The following SNTG1 variants were observed in gnomAD, a reference collection of about 807,000 sequenced individuals.
SNTG1 encodes gamma-1-syntrophin.
In SNTG1, 39 loss-of-function variants were observed where a neutral mutation model predicts 74.7. The ratio of observed to expected loss-of-function variants is 0.52; its 90% CI spans 0.40 to 0.68. The LOEUF is 0.68. Among genes scored for constraint, SNTG1 ranks in the 30% least tolerant of loss-of-function variants. The pLI is 0.00. For missense variants in SNTG1, 685 were observed against 609.5 expected (o/e 1.12, Z -1.30); for synonymous variants, 254 against 217.1 (o/e 1.17, Z -1.49).
intron 11 of SNTG1, among the ~76,000 whole-genome samples, chr8:50,537,362 G>T (rs1296875112): frequency 1.3e-5 from 2 of 151,978 alleles, no homozygotes; most frequent in African/African-American, 4.8e-5. Flanking sequence ...CAAAGTGCTG[G>T]GATTATAGGC....
In SNTG1 at chr8:50,794,663, C is replaced by T. The variant is rs538314290; in HGVS notation, c.*1834C>T. 1 of 152,054 alleles carries T rather than the reference C, an allele frequency of 6.6e-6. No individual in the cohort carries two copies. Among genetic ancestry groups the T allele is most frequent in the East Asian group, 1.9e-4 (1 of 5,146 alleles). The allele number at this position is 152,054 out of a possible 1,614,324, so 9.4% of individuals were successfully genotyped here. A position where few individuals can be genotyped will look rare whatever the true frequency, so the allele number is the denominator to read the frequency against. ...ATGGAGAAAAAGCAGTGGGATACATCGAACTTAGAATTTTCAGCTGTGGCA... is the reference window on the plus strand; with the variant it reads ...ATGGAGAAAAAGCAGTGGGATACATTGAACTTAGAATTTTCAGCTGTGGCA... On this transcript the variant is annotated 3_prime_UTR_variant, in exon 19 of 19. Coordinates refer to ENST00000642720, the MANE Select transcript of SNTG1 (RefSeq NM_018967.5).
chr8:50,379,655 G>T (rs1314296193), intron 2 of SNTG1, among the ~76,000 whole-genome samples: 1 of 152,232 alleles, frequency 6.6e-6, no homozygotes, highest in Non-Finnish European at 1.5e-5. Context: ...GCCTGCTGCT[G>T]CCAACAGTAA....
At chr8:50,350,121 C>T (rs1443726650) in intron 2 of SNTG1, among the ~76,000 whole-genome samples, 5 of 152,258 alleles carry the variant, frequency 3.3e-5, no homozygotes, top group East Asian at 1.9e-4. Flanking sequence ...GCGCTGTGCT[C>T]GATTTCTCGC....
chr8:50,546,383 T>A (rs991136936), intron 11 of SNTG1, among the ~76,000 whole-genome samples: 6 of 151,576 alleles, frequency 4.0e-5, no homozygotes, highest in South Asian at 4.2e-4. Context: ...GGAAGACTTT[T>A]TTATTATTAT....
intron 17 of SNTG1, among the ~76,000 whole-genome samples, chr8:50,716,221 T>C (rs2095474616): frequency 6.6e-6 from 1 of 152,138 alleles, no homozygotes; most frequent in Non-Finnish European, 1.5e-5. Flanking sequence ...AAATTTTATG[T>C]TATTATTCCA....
At chr8:50,272,081 T>C (rs2087814276) in intron 2 of SNTG1, among the ~76,000 whole-genome samples, 1 of 152,212 alleles carries the variant, frequency 6.6e-6, no homozygotes. Flanking sequence ...CAGCCTTCAG[T>C]ACTGTGAGAA....
intron 1 of SNTG1, among the ~76,000 whole-genome samples, chr8:50,007,699 TG>T (rs1251336192): frequency 1.3e-5 from 2 of 151,860 alleles, no homozygotes; most frequent in Non-Finnish European, 1.5e-5. Context: ...GCTAAGAGGG[TG>T]GGGAGATTTC....
At position 50,653,100 on chromosome 8, in the gene SNTG1, CTTTTGT is replaced by C. The variant is rs545312389; in HGVS notation, c.850-3804_850-3799del. On this transcript the variant is annotated intron_variant, in intron 13 of 18. Transcript: ENST00000642720. The stretch of plus-strand genomic sequence containing the variant: ...GACAGAATATAGGGTTTTTCTTTTG[CTTTTGT>C]TTTTATTTTATTTATTTATTTATTT... 3.1e-3 allele frequency among the ~76,000 whole-genome samples: 465 copies of C among 151,702 alleles called. 3 individuals are homozygous for C. The highest frequency in any genetic ancestry group is 0.011 in the African/African-American group (445 of 41,400).
chr8:50,507,860 G>A (rs548998157), intron 9 of SNTG1, among the ~76,000 whole-genome samples: 1 of 148,166 alleles, frequency 6.7e-6, no homozygotes, highest in Non-Finnish European at 1.5e-5. Context: ...ACAAGCCCTG[G>A]TGTGTGATGT....
At chr8:50,147,495 T>C (rs1054036102) in intron 1 of SNTG1, among the ~76,000 whole-genome samples, 1 of 152,158 alleles carries the variant, frequency 6.6e-6, no homozygotes, top group Non-Finnish European at 1.5e-5. Flanking sequence ...TGAAACCACT[T>C]TACAAATACA....
intron 12 of SNTG1, among the ~76,000 whole-genome samples, chr8:50,574,200 G>A (rs1176405557): frequency 6.6e-6 from 1 of 151,892 alleles, no homozygotes; most frequent in African/African-American, 2.4e-5. Flanking sequence ...GCATAAATAG[G>A]TTAAAATACT....
intron 17 of SNTG1, among the ~76,000 whole-genome samples, chr8:50,724,352 G>T (rs13270091): frequency 0.21 from 31,515 of 151,934 alleles, 3,373 homozygotes; most frequent in South Asian, 0.31. Flanking sequence ...TCTGAGTTCC[G>T]TATAGTTTTA....
chr8:50,709,078 C>T (rs564139984), intron 17 of SNTG1, 100 bp downstream of exon 17: 45 of 856,898 alleles, frequency 5.3e-5, no homozygotes, highest in East Asian at 1.0e-4. Context: ...TAATTGTAAT[C>T]GTGTCAAATT....
chr8:50,554,982 T>C (rs1404250851), intron 12 of SNTG1, among the ~76,000 whole-genome samples: 1 of 152,180 alleles, frequency 6.6e-6, no homozygotes, highest in East Asian at 1.9e-4. Context: ...TGTCATGCCA[T>C]ATTTCTTCAA....
chr8:50,174,653 C>G (rs973358201), intron 2 of SNTG1, among the ~76,000 whole-genome samples: 44 of 152,130 alleles, frequency 2.9e-4, no homozygotes, highest in Non-Finnish European at 2.6e-4. Flanking sequence ...ATATGTACTT[C>G]AAATAAAATC....
intron 13 of SNTG1, among the ~76,000 whole-genome samples, chr8:50,603,696 G>C (rs941917396): frequency 3.3e-5 from 5 of 152,104 alleles, no homozygotes; most frequent in African/African-American, 9.7e-5. Context: ...TGGACCCCAA[G>C]ACCAATAACA....
chr8:50,446,379 C>CAAAA (rs10679057), intron 5 of SNTG1, among the ~76,000 whole-genome samples: 277 of 145,776 alleles, frequency 1.9e-3, no homozygotes, highest in African/African-American at 5.2e-3. Context: ...AATTTAAAAG[C>CAAAA]AAAAAAAAAA....
In SNTG1 at chr8:50,137,618, A is replaced by G. The variant is rs1214586205; in HGVS notation, c.-102-34943A>G. ...AGCAGCAAGAAGGCGACAGAATGAC[A>G]GTGTGCTATTTCACCTAGAGTGGAT... On this transcript the variant is annotated intron_variant, in intron 1 of 18. Coordinates refer to ENST00000642720, the MANE Select transcript of SNTG1 (RefSeq NM_018967.5). Among the ~76,000 whole-genome samples the G allele has an allele frequency of 2.6e-5, 4 of 152,334 alleles. No homozygotes were observed. In the East Asian group the frequency reaches 5.8e-4, roughly 22 times the overall value.
Position 50,011,585 on chromosome 8 carries a change from T to C in SNTG1, c.-103+99354T>C, listed in dbSNP as rs567179184. Among the ~76,000 whole-genome samples, 40 of 151,822 alleles carry C rather than the reference T, an allele frequency of 2.6e-4. 1 individual carries two copies. In the South Asian group the frequency reaches 8.3e-3, roughly 32 times the overall value. ...ATCCAGTGCTGCCAAATTCTAATAATTTTTATACGTGATTCCAGGTCACTA... is the reference window on the plus strand; with the variant it reads ...ATCCAGTGCTGCCAAATTCTAATAACTTTTATACGTGATTCCAGGTCACTA... On this transcript the variant is annotated intron_variant, in intron 1 of 18. Transcript: ENST00000642720.
Sources: gnomAD v4.1 joint callset for allele counts (sites outside exome capture counted in the v4.1 genomes callset) on GRCh38, gnomAD v4.1.1 for gene constraint, MANE v1.5 for transcripts, NCBI Gene and HGNC (gene_info 2026-07-23, HGNC 2026-07-21) for gene names.